Variants in MYO7A observed in about 807,000 individuals in gnomAD.
MYO7A encodes unconventional myosin-VIIa.
MYO7A carries 210 observed loss-of-function variants against 263.8 expected under a neutral mutation model. The ratio of observed to expected loss-of-function variants is 0.80; its 90% CI spans 0.71 to 0.89. The LOEUF is 0.89. MYO7A is among the 40% of genes least tolerant of loss of function. The probability of loss-of-function intolerance (pLI) is 0.00; values close to 1 mark genes in which losing one functional copy is unlikely to be tolerated. For missense variants in MYO7A, 2,820 were observed against 2,968.3 expected (o/e 0.95, Z 1.16); for synonymous variants, 1,239 against 1,197.3 (o/e 1.03, Z -0.72).
chr11:77,165,573 G>A (rs113952518), intron 14 of MYO7A, among the ~76,000 whole-genome samples: 31 of 152,320 alleles, frequency 2.0e-4, no homozygotes, highest in African/African-American at 7.0e-4. Context: ...GGGCAGAGGA[G>A]GTAATCCCTA....
intron 32 of MYO7A, among the ~76,000 whole-genome samples, chr11:77,196,323 G>A (rs1956658131): frequency 6.7e-6 from 1 of 150,204 alleles, no homozygotes; most frequent in Non-Finnish European, 1.5e-5. Flanking sequence ...CCAAGATCCT[G>A]CCATTGCACT....
At chr11:77,157,132 C>A in intron 7 of MYO7A, 128 bp downstream of exon 7, 1 of 1,446,180 alleles carries the variant, frequency 6.9e-7, no homozygotes, top group Non-Finnish European at 9.5e-7. Context: ...CTGCTTCCCT[C>A]TGTGCTGGAA....
At chr11:77,212,169 C>G (rs1957933613) in intron 46 of MYO7A, 1 of 647,454 alleles carries the variant, frequency 1.5e-6, no homozygotes, top group African/African-American at 1.8e-5. Flanking sequence ...GACATGTAAA[C>G]AGGCTGGGGT....
chr11:77,206,242 A>G, intron 41 of MYO7A, 40 bp downstream of exon 41: 1 of 1,499,838 alleles, frequency 6.7e-7, no homozygotes, highest in Non-Finnish European at 9.2e-7. Flanking sequence ...TGCCCAGGAC[A>G]GGGCCGGGCT....
At chr11:77,190,650 A>G in intron 29 of MYO7A, 47 bp from the exon 30 acceptor site, 1 of 1,541,684 alleles carries the variant, frequency 6.5e-7, no homozygotes, top group Non-Finnish European at 8.7e-7. Context: ...AGGGGCAGGC[A>G]GGTCTGAAGG....
chr11:77,188,065 T>C (rs1355922592), intron 27 of MYO7A, among the ~76,000 whole-genome samples: 3 of 152,166 alleles, frequency 2.0e-5, no homozygotes, highest in Non-Finnish European at 2.9e-5. Context: ...AAGCTGACAC[T>C]TCTAGGAAAC....
chr11:77,159,405 C>A, intron 9 of MYO7A, 42 bp from the exon 10 acceptor site: 1 of 601,830 alleles, frequency 1.7e-6, no homozygotes, highest in Non-Finnish European at 3.1e-6. Context: ...CCCCTGTTGC[C>A]CACCCTCCCT....
intron 2 of MYO7A, among the ~76,000 whole-genome samples, chr11:77,137,715 G>T (rs1950960680): frequency 6.6e-6 from 1 of 152,126 alleles, no homozygotes; most frequent in African/African-American, 2.4e-5. Context: ...GTCCTGGGGA[G>T]TTCAGGGGAC....
intron 5 of MYO7A, among the ~76,000 whole-genome samples, chr11:77,156,445 A>G (rs1165275494): frequency 6.6e-6 from 1 of 152,234 alleles, no homozygotes; most frequent in African/African-American, 2.4e-5. Context: ...GCTCTATGAC[A>G]AGTATGGATG....
At chr11:77,177,003 A>G (rs1482694720) in intron 18 of MYO7A, among the ~76,000 whole-genome samples, 1 of 152,188 alleles carries the variant, frequency 6.6e-6, no homozygotes, top group Admixed American at 6.5e-5. Context: ...GTGGCCTTGA[A>G]TGCCAGGGTG....
chr11:77,139,766 G>C (rs1555049546), intron 2 of MYO7A, among the ~76,000 whole-genome samples: 1 of 152,156 alleles, frequency 6.6e-6, no homozygotes, highest in Non-Finnish European at 1.5e-5. Context: ...GATGCTAATA[G>C]TCCTGTCAGT....
rs1350096938 is a variant in MYO7A, at chr11:77,147,787, G to A, written c.133-11G>A. On this transcript the variant is annotated splice_polypyrimidine_tract_variant and intron_variant, in intron 3 of 48. Coordinates refer to ENST00000409709, the MANE Select transcript of MYO7A (RefSeq NM_000260.4). ...CCCAGGAGAGCACGCTGACGTTCTGGCTCCCCGCAGGAACACTGGATCTCT... is the reference window on the plus strand; with the variant it reads ...CCCAGGAGAGCACGCTGACGTTCTGACTCCCCGCAGGAACACTGGATCTCT... 1.2e-6 allele frequency: 2 copies of A among 1,608,588 alleles called. No individual in the cohort carries two copies. The highest frequency in any genetic ancestry group is 1.7e-4 in the Middle Eastern group (1 of 6,054).
At position 77,160,992 on chromosome 11, in the gene MYO7A, T is replaced by A. The variant is rs781990601; in HGVS notation, c.1220T>A (p.Phe407Tyr). 1.2e-6 allele frequency: 2 copies of A among 1,608,918 alleles called. No individual in the cohort carries two copies. The highest frequency in any genetic ancestry group is 1.1e-5 in the South Asian group (1 of 89,784). The change falls in exon 12 of 49, where the codon TTC becomes TAC. Residue 407 changes from phenylalanine (F) to tyrosine (Y), a missense_variant. Transcript: ENST00000409709. Reference protein sequence around the residue: ...AFVKGIYGRLFVWIVDKINAA... With the variant: ...AFVKGIYGRLYVWIVDKINAA... ...TTTCAGGGGATCTACGGGCGGCTGTTCGTGTGGATTGTGGACAAGATCAAC... is the reference window on the plus strand; with the variant it reads ...TTTCAGGGGATCTACGGGCGGCTGTACGTGTGGATTGTGGACAAGATCAAC...
At position 77,211,878 on chromosome 11, in the gene MYO7A, G is replaced by C. The variant is rs1957908916; in HGVS notation, c.6295G>C (p.Ala2099Pro). Residue 2099 changes from alanine to proline, a missense_variant, in exon 46 of 49, where the codon GCC (alanine) becomes CCC (proline). Ala to Pro is a conservative substitution (Grantham distance 27). Coordinates refer to ENST00000409709, the MANE Select transcript of MYO7A (RefSeq NM_000260.4). ...GAAGTCCAAGGAGGAGGCCAAGCTGGCCTTCCTGAAGCTCATCTTCAAGTG... is the reference window on the plus strand; with the variant it reads ...GAAGTCCAAGGAGGAGGCCAAGCTGCCCTTCCTGAAGCTCATCTTCAAGTG... ...AGKSKEEAKL[A>P]FLKLIFKWPT... The C allele has an allele frequency of 6.2e-7, 1 of 1,613,866 alleles. No homozygotes were observed. Among genetic ancestry groups the C allele is most frequent in the Admixed American group, 1.7e-5 (1 of 60,008 alleles).
intron 7 of MYO7A, 34 bp from the exon 8 acceptor site, chr11:77,157,245 C>G: frequency 6.5e-7 from 1 of 1,543,760 alleles, no homozygotes; most frequent in Non-Finnish European, 8.9e-7. Flanking sequence ...TGGCCCTCCT[C>G]CCCTGGCCCC....
Position 77,211,850 on chromosome 11 carries a change from A to G in MYO7A, c.6267A>G (p.Ala2089=), listed in dbSNP as rs564910239. The change falls in exon 46 of 49, where the codon GCA becomes GCG. Residue 2089 remains alanine, a synonymous_variant. Transcript: ENST00000409709. The part of the protein sequence containing the change: ...RSIVAYFNKH[A]GKSKEEAKLA... The stretch of plus-strand genomic sequence containing the variant: ...TCGTCGCCTACTTCAACAAGCACGC[A>G]GGGAAGTCCAAGGAGGAGGCCAAGC... The G allele has an allele frequency of 1.9e-6, 3 of 1,613,988 alleles. No homozygotes were observed. Among genetic ancestry groups the G allele is most frequent in the Non-Finnish European group, 2.5e-6 (3 of 1,179,874 alleles).
chr11:77,192,390 C>G (rs1956161314), intron 31 of MYO7A, 112 bp downstream of exon 31: 1 of 1,097,692 alleles, frequency 9.1e-7, no homozygotes. Flanking sequence ...TGGGGTGAGC[C>G]TGACTGCAAC....
chr11:77,175,299 C>A, intron 17 of MYO7A, 73 bp from the exon 18 acceptor site: 3 of 1,395,400 alleles, frequency 2.1e-6, no homozygotes, highest in Non-Finnish European at 2.0e-6. Context: ...TGCCTCTCAG[C>A]CTCGGGGACA....
chr11:77,184,752 G>T, intron 27 of MYO7A, 37 bp downstream of exon 27: 1 of 1,584,392 alleles, frequency 6.3e-7, no homozygotes, highest in Non-Finnish European at 8.6e-7. Context: ...GGGCCTGAAA[G>T]TCTTTTGGTG....
Sources: gnomAD v4.1 joint callset for allele counts (sites outside exome capture counted in the v4.1 genomes callset) on GRCh38, gnomAD v4.1.1 for gene constraint, MANE v1.5 for transcripts, NCBI Gene and HGNC (gene_info 2026-07-23, HGNC 2026-07-21) for gene names.